SLC24A4: variants seen among roughly 807,000 people sequenced by gnomAD.
SLC24A4 encodes sodium/potassium/calcium exchanger 4.
A neutral mutation model predicts 79.0 loss-of-function variants in SLC24A4; 53 were observed. That is an observed-to-expected ratio of 0.67 (90% CI 0.54 to 0.84). SLC24A4 has a LOEUF of 0.84. Ranked by LOEUF, SLC24A4 falls within the 40% of genes least tolerant of loss-of-function variation. The probability of loss-of-function intolerance (pLI) is 0.00; values close to 1 mark genes in which losing one functional copy is unlikely to be tolerated. For missense variants in SLC24A4, 731 were observed against 822.0 expected (o/e 0.89, Z 1.35); for synonymous variants, 323 against 323.8 (o/e 1.00, Z 0.03).
chr14:92,394,366 CA>C (rs1889654056), intron 2 of SLC24A4, among the ~76,000 whole-genome samples: 1 of 151,956 alleles, frequency 6.6e-6, no homozygotes, highest in South Asian at 2.1e-4. Flanking sequence ...GAGGCTGAGG[CA>C]GGAGGATTAC....
At chr14:92,337,997 C>A (rs1281964297) in intron 2 of SLC24A4, among the ~76,000 whole-genome samples, 1 of 152,264 alleles carries the variant, frequency 6.6e-6, no homozygotes, top group Middle Eastern at 3.4e-3. Context: ...AGTTAAAGTT[C>A]AAAATGAATA....
At chr14:92,428,710 G>T (rs1365846056) in intron 2 of SLC24A4, among the ~76,000 whole-genome samples, 2 of 152,194 alleles carry the variant, frequency 1.3e-5, no homozygotes, top group Non-Finnish European at 2.9e-5. Context: ...GCCAGGGAAT[G>T]GTCACATGGG....
chr14:92,442,622 C>A, intron 5 of SLC24A4, 91 bp from the exon 6 acceptor site: 2 of 900,386 alleles, frequency 2.2e-6, no homozygotes, highest in South Asian at 1.5e-5. Flanking sequence ...GTTAGTAAAG[C>A]AACCCACTTT....
intron 2 of SLC24A4, among the ~76,000 whole-genome samples, chr14:92,360,903 C>T (rs1423180893): frequency 6.6e-6 from 1 of 152,212 alleles, no homozygotes; most frequent in Non-Finnish European, 1.5e-5. Flanking sequence ...AATTTGGCTG[C>T]ACAGCGTTTA....
chr14:92,442,473 A>C (rs542776494), intron 5 of SLC24A4, among the ~76,000 whole-genome samples: 70 of 152,386 alleles, frequency 4.6e-4, no homozygotes, highest in Middle Eastern at 3.4e-3. Context: ...GGTAAATTTT[A>C]TAGCATGCAC....
chr14:92,357,076 T>C (rs188882569), intron 2 of SLC24A4, among the ~76,000 whole-genome samples: 12 of 152,344 alleles, frequency 7.9e-5, no homozygotes, highest in African/African-American at 1.9e-4. Context: ...TATTACATTA[T>C]TCCCCCCAGG....
chr14:92,434,050 G>A, intron 3 of SLC24A4, 62 bp downstream of exon 3: 3 of 1,291,146 alleles, frequency 2.3e-6, no homozygotes, highest in Non-Finnish European at 1.1e-6. Flanking sequence ...CTGCACAGCG[G>A]GGCAGAGCCG....
Position 92,366,824 on chromosome 14 carries a change from C to G in SLC24A4, c.241+40846C>G, listed in dbSNP as rs143269428. On this transcript the variant is annotated intron_variant, in intron 2 of 16. Coordinates refer to ENST00000532405, the MANE Select transcript of SLC24A4 (RefSeq NM_153646.4). ...TTTCTTTTTAGATTTTTAAAACAAC[C>G]CTGGAATAGGCGGGGAAGGGGTGAT... Among the ~76,000 whole-genome samples the G allele has an allele frequency of 1.7e-4, 26 of 152,192 alleles. 1 individual carries two copies. In the East Asian group the frequency reaches 4.2e-3, roughly 25 times the overall value.
In SLC24A4 at chr14:92,323,825, T is replaced by TC. The variant is rs763204244; in HGVS notation, c.-4dup. The stretch of plus-strand genomic sequence containing the variant: ...TCTCCCAGAGACGGCACCCAGGCGC[T>TC]CCGGGATGGCGCTCCGCGGGACCCT... On this transcript the variant is annotated 5_prime_UTR_variant, in exon 1 of 17. Transcript: ENST00000532405. This position sits in a 1 kb window ranked among gnomAD's most constrained non-coding sequence, Gnocchi z 4.9. 1 of 1,566,584 alleles carries TC rather than the reference T, an allele frequency of 6.4e-7. No homozygotes were observed. Among genetic ancestry groups the TC allele is most frequent in the Non-Finnish European group, 8.6e-7 (1 of 1,163,692 alleles).
intron 2 of SLC24A4, among the ~76,000 whole-genome samples, chr14:92,348,729 G>T (rs1886686135): frequency 6.6e-6 from 1 of 152,154 alleles, no homozygotes; most frequent in Non-Finnish European, 1.5e-5. Context: ...TATGCTCATG[G>T]TTTTTCTCTG....
chr14:92,425,665 C>T (rs1891524743), intron 2 of SLC24A4, among the ~76,000 whole-genome samples: 3 of 152,162 alleles, frequency 2.0e-5, no homozygotes, highest in Admixed American at 6.5e-5. Flanking sequence ...CTCTGGACTT[C>T]AGGGTTCTCC....
chr14:92,493,682 C>T lies in SLC24A4; in HGVS notation c.*54C>T. ...CTGGACACCCTGTGACACTGGCGTT[C>T]TCCTCTCCCCTCCTTCCCCCACCAC... On this transcript the variant is annotated 3_prime_UTR_variant, in exon 17 of 17. Transcript: ENST00000532405. 8.3e-6 allele frequency: 13 copies of T among 1,570,174 alleles called. No individual in the cohort carries two copies. The highest frequency in any genetic ancestry group is 1.1e-5 in the Non-Finnish European group (13 of 1,152,896).
chr14:92,492,228 T>C lies in SLC24A4; in HGVS notation c.1704T>C (p.Ser568=), dbSNP rs1316219169. ...LVYSVVLLLG[S]VALTVLGIHL... ...ATTCCGTGGTCCTGTTGCTGGGCTCTGTCGCTCTCACCGTGAGTCTTTACA... is the reference window on the plus strand; with the variant it reads ...ATTCCGTGGTCCTGTTGCTGGGCTCCGTCGCTCTCACCGTGAGTCTTTACA... Residue 568 remains serine (S), a synonymous_variant, in exon 16 of 17, where the codon TCT becomes TCC. Transcript: ENST00000532405. The C allele has an allele frequency of 1.9e-6, 3 of 1,614,078 alleles. No individual in the cohort carries two copies. Among genetic ancestry groups the C allele is most frequent in the African/African-American group, 2.7e-5 (2 of 74,942 alleles).
chr14:92,434,064 C>A, intron 3 of SLC24A4, 76 bp downstream of exon 3: 3 of 1,137,610 alleles, frequency 2.6e-6, no homozygotes, highest in Non-Finnish European at 4.0e-6. Context: ...AGAGCCGTGG[C>A]GTGTCTGAGA....
In SLC24A4 at chr14:92,499,452, T is replaced by G. The variant is rs1221388938; in HGVS notation, c.*5824T>G. ...GGTCTGGGAATTGGCTGCTTCTTAG[T>G]TATAACCCCAGTGACAAATGCTGGC... On this transcript the variant is annotated 3_prime_UTR_variant, in exon 17 of 17. Coordinates refer to ENST00000532405, the MANE Select transcript of SLC24A4 (RefSeq NM_153646.4). 1 of 152,204 alleles carries G rather than the reference T, an allele frequency of 6.6e-6. No homozygotes were observed. The highest frequency in any genetic ancestry group is 1.5e-5 in the Non-Finnish European group (1 of 68,044). The allele number at this position is 152,204 out of a possible 1,614,324, so 9.4% of individuals were successfully genotyped here.
At chr14:92,449,286 A>T in intron 10 of SLC24A4, 70 bp downstream of exon 10, 2 of 159,118 alleles carry the variant, frequency 1.3e-5, no homozygotes, top group Non-Finnish European at 1.8e-5. Flanking sequence ...TTGTGTACAC[A>T]CACACACACA....
At chr14:92,366,983 C>T (rs1437666961) in intron 2 of SLC24A4, among the ~76,000 whole-genome samples, 1 of 152,144 alleles carries the variant, frequency 6.6e-6, no homozygotes, top group Non-Finnish European at 1.5e-5. Flanking sequence ...GCCCTCCTGG[C>T]TCAGGTTGAG....
At chr14:92,327,102 C>T (rs1434908047) in intron 2 of SLC24A4, among the ~76,000 whole-genome samples, 1 of 152,176 alleles carries the variant, frequency 6.6e-6, no homozygotes, top group Non-Finnish European at 1.5e-5. Context: ...TAAGTGGTGA[C>T]GCTGGTTTGA....
intron 2 of SLC24A4, among the ~76,000 whole-genome samples, chr14:92,373,214 A>ATATG (rs947381046): frequency 2.7e-5 from 4 of 148,586 alleles, no homozygotes; most frequent in African/African-American, 7.4e-5. Context: ...ACACACACAT[A>ATATG]TATATATTTA....
Sources: gnomAD v4.1 joint callset for allele counts (sites outside exome capture counted in the v4.1 genomes callset) on GRCh38, gnomAD v4.1.1 for gene constraint, Gnocchi (gnomAD v3.1) non-coding constraint, MANE v1.5 for transcripts, NCBI Gene and HGNC (gene_info 2026-07-23, HGNC 2026-07-21) for gene names.